Variants in TRAF2 observed in about 807,000 individuals in gnomAD.
TRAF2 encodes TNF receptor-associated factor 2.
In TRAF2, 6 loss-of-function variants were observed where a neutral mutation model predicts 55.6. The ratio of observed to expected loss-of-function variants is 0.11; its 90% CI spans 0.06 to 0.21. The LOEUF is 0.21. TRAF2 is among the 10% of genes least tolerant of loss of function. The probability of loss-of-function intolerance (pLI) is 1.00; values close to 1 mark genes in which losing one functional copy is unlikely to be tolerated. For synonymous variants in TRAF2, 329 were observed against 276.3 expected, an observed-to-expected ratio of 1.19 and a Z score of -1.89; for missense variants, 561 against 684.5, an observed-to-expected ratio of 0.82 and a Z score of 2.01.
Position 136,900,494 on chromosome 9 carries a change from T to C in TRAF2, c.340T>C (p.Trp114Arg). 6.2e-7 allele frequency: 1 copy of C among 1,614,002 alleles called. No homozygotes were observed. Among genetic ancestry groups the C allele is most frequent in the Non-Finnish European group, 8.5e-7 (1 of 1,179,934 alleles). The change falls in exon 4 of 11, where the codon TGG becomes CGG. Residue 114 changes from tryptophan to arginine, a missense_variant. By Grantham distance (101) the Trp-to-Arg change is moderately radical. Around this residue, in one of 2 missense-constraint regions of TRAF2, gnomAD observed 426 missense variants for 476.8 expected, o/e 0.89. Transcript: ENST00000247668. ...CGTCTGTCCCAGTGATGGATGCACC[T>C]GGAAGGGGACCCTGAAAGAATACGA... ...PAVCPSDGCT[W>R]KGTLKEYESC...
upstream of TRAF2, among the ~76,000 whole-genome samples, chr9:136,883,879 T>C (rs1264739556): frequency 2.0e-5 from 3 of 150,074 alleles, no homozygotes; most frequent in Non-Finnish European, 1.5e-5. Flanking sequence ...TGGAGTGTAG[T>C]GGCGCAATCT....
At position 136,899,794 on chromosome 9, in the gene TRAF2, G is replaced by A. The variant is rs1028690444; in HGVS notation, c.267+122G>A. ...AATCCCAGCACTTTGGGAGGCCCAG[G>A]TAGGGGGATTGCTTGAGTCCAGGAG... On this transcript the variant is annotated intron_variant, in intron 3 of 10. Coordinates refer to ENST00000247668, the MANE Select transcript of TRAF2 (RefSeq NM_021138.4). 10 of 874,080 alleles carry A rather than the reference G, an allele frequency of 1.1e-5. No homozygotes were observed. The African/African-American group carries it at 1.5e-4, about 13-fold the overall frequency. 54.1% of individuals were successfully genotyped at this position (874,080 alleles called of 1,614,324 possible). A position where few individuals can be genotyped will look rare whatever the true frequency, so the allele number is the denominator to read the frequency against.
intron 5 of TRAF2, among the ~76,000 whole-genome samples, chr9:136,909,037 CAAAAAA>C (rs10597975): frequency 6.8e-6 from 1 of 147,206 alleles, no homozygotes; most frequent in Non-Finnish European, 1.5e-5. Flanking sequence ...GACTCTGTCT[CAAAAAA>C]AAAAAAAAGA....
At chr9:136,901,786 C>T (rs1849825942) in intron 4 of TRAF2, among the ~76,000 whole-genome samples, 2 of 152,162 alleles carry the variant, frequency 1.3e-5, no homozygotes, top group Admixed American at 1.3e-4. Context: ...TGGGGTGTTA[C>T]CGGCTGGGTT....
chr9:136,926,084 A>G lies in TRAF2; in HGVS notation c.*183A>G. ...GGGAAGGAGCCACCAGCCAGTCCTCAGATTTCAGAGACTGCGGAGGGGCTT... is the reference window on the plus strand; with the variant it reads ...GGGAAGGAGCCACCAGCCAGTCCTCGGATTTCAGAGACTGCGGAGGGGCTT... On this transcript the variant is annotated 3_prime_UTR_variant, in exon 11 of 11. Transcript: ENST00000247668. The G allele has an allele frequency of 2.5e-6, 2 of 807,246 alleles. No individual in the cohort carries two copies. Among genetic ancestry groups the G allele is most frequent in the Non-Finnish European group, 4.3e-6 (2 of 462,994 alleles). 50.0% of individuals were successfully genotyped at this position (807,246 alleles called of 1,614,324 possible). A position where few individuals can be genotyped will look rare whatever the true frequency, so the allele number is the denominator to read the frequency against.
intron 6 of TRAF2, 72 bp downstream of exon 6, chr9:136,910,066 G>A: frequency 6.7e-7 from 1 of 1,488,230 alleles, no homozygotes; most frequent in South Asian, 1.2e-5. Flanking sequence ...TCCCGTGGGT[G>A]GGGGTGGGGC....
intron 4 of TRAF2, among the ~76,000 whole-genome samples, chr9:136,903,178 T>G (rs1281778695): frequency 1.3e-5 from 2 of 152,222 alleles, no homozygotes; most frequent in African/African-American, 2.4e-5. Context: ...CTTGAACTCC[T>G]TACCTCAAGT....
upstream of TRAF2, among the ~76,000 whole-genome samples, chr9:136,885,661 G>C (rs180738871): frequency 8.1e-3 from 1,237 of 152,210 alleles, 20 homozygotes; most frequent in African/African-American, 0.028. Flanking sequence ...CCAGCTACTC[G>C]GGAGGCTGAG....
upstream of TRAF2, chr9:136,886,496 C>A (rs1036463100): frequency 5.7e-5 from 57 of 1,001,278 alleles, no homozygotes; most frequent in Non-Finnish European, 6.4e-5. Flanking sequence ...GCGTTGGGGG[C>A]GGTAGCTGGG....
At position 136,906,752 on chromosome 9, in the gene TRAF2, CCTT is replaced by C. The variant is rs1260446438; in HGVS notation, c.367-1314_367-1312del. ...TGGCTTGGGCCAGAGGCCTGAGAGT[CCTT>C]CTTGACTTCTCTGTGTTCCTGTAAG... On this transcript the variant is annotated intron_variant, in intron 4 of 10. Transcript: ENST00000247668. Among the ~76,000 whole-genome samples the C allele has an allele frequency of 5.9e-5, 9 of 152,350 alleles. No homozygotes were observed. The East Asian group carries it at 1.2e-3, about 20-fold the overall frequency.
intron 6 of TRAF2, among the ~76,000 whole-genome samples, chr9:136,913,294 A>ATT (rs1564416773): frequency 1.5e-5 from 1 of 65,034 alleles, no homozygotes; most frequent in African/African-American, 8.4e-5. Flanking sequence ...ATTATAAAGG[A>ATT]ATTTTTTTTT....
At chr9:136,918,772 G>A (rs1421348112) in intron 7 of TRAF2, among the ~76,000 whole-genome samples, 1 of 151,976 alleles carries the variant, frequency 6.6e-6, no homozygotes, top group East Asian at 1.9e-4. Flanking sequence ...GTCTTGCTCT[G>A]TCACCCAGGC....
upstream of TRAF2, among the ~76,000 whole-genome samples, chr9:136,882,893 CAG>C (rs572308201): frequency 6.6e-6 from 1 of 152,204 alleles, no homozygotes; most frequent in African/African-American, 2.4e-5. Context: ...TATTATTAGA[CAG>C]AGTCTTGCTC....
intron 10 of TRAF2, among the ~76,000 whole-genome samples, chr9:136,925,155 C>G (rs751678427): frequency 2.0e-5 from 3 of 152,222 alleles, no homozygotes; most frequent in African/African-American, 7.2e-5. Context: ...TCCCCCACCC[C>G]CTATAGCTAG....
At chr9:136,902,291 G>C (rs1849839732) in intron 4 of TRAF2, 1 of 152,456 alleles carries the variant, frequency 6.6e-6, no homozygotes, top group South Asian at 2.1e-4. Context: ...GGTGGCCCAG[G>C]GTCAGGGTCT....
At chr9:136,911,940 C>T (rs1422492672) in intron 6 of TRAF2, among the ~76,000 whole-genome samples, 1 of 144,816 alleles carries the variant, frequency 6.9e-6, no homozygotes, top group African/African-American at 2.6e-5. Context: ...AGCTCCGCCT[C>T]CTGGGTTCAC....
In TRAF2 at chr9:136,920,453, G is replaced by T. The variant is rs1353852370; in HGVS notation, c.898G>T (p.Ala300Ser). Reference sequence around the variant, plus strand: ...GGAGGTGGAGAGGGTGGCCATGACTGCCGAGGCCTGCAGCCGGCAGCACCG... The same window carrying T: ...GGAGGTGGAGAGGGTGGCCATGACTTCCGAGGCCTGCAGCCGGCAGCACCG... Reference protein sequence around the residue: ...NREVERVAMTAEACSRQHRLD... With the variant: ...NREVERVAMTSEACSRQHRLD... The change falls in exon 8 of 11, where the codon GCC becomes TCC. Residue 300 changes from alanine (A) to serine (S), a missense_variant. Physicochemically the swap from Ala to Ser is moderately conservative, Grantham distance 99 (BLOSUM62 1). This residue lies in a region of TRAF2 where 426 missense variants were observed against 476.8 expected (regional missense o/e 0.89). Transcript: ENST00000247668. The T allele has an allele frequency of 6.2e-7, 1 of 1,613,454 alleles. No individual in the cohort carries two copies. The highest frequency in any genetic ancestry group is 1.3e-5 in the African/African-American group (1 of 74,922).
At chr9:136,908,922 C>T (rs971777686) in intron 5 of TRAF2, among the ~76,000 whole-genome samples, 9 of 147,940 alleles carry the variant, frequency 6.1e-5, no homozygotes, top group Non-Finnish European at 1.3e-4. Context: ...CCTGTAATTC[C>T]AGCTACTCGG....
At chr9:136,893,911 G>A (rs17243725) in intron 1 of TRAF2, among the ~76,000 whole-genome samples, 10,750 of 151,704 alleles carry the variant, frequency 0.071, 457 homozygotes, top group Middle Eastern at 0.15. Context: ...CACCACGCCC[G>A]GCTAATTTTT....
Sources: gnomAD v4.1 joint callset for allele counts (sites outside exome capture counted in the v4.1 genomes callset) on GRCh38, gnomAD v4.1.1 for gene constraint, gnomAD v4.1.1 regional missense constraint, MANE v1.5 for transcripts, NCBI Gene and HGNC (gene_info 2026-07-23, HGNC 2026-07-21) for gene names.